Variants in PCDH11X observed in about 807,000 individuals in gnomAD.
PCDH11X encodes the protein protocadherin-11 X-linked.
Under a neutral mutation model 53.3 loss-of-function variants are expected in PCDH11X, and 18 were observed. The observed-to-expected ratio is 0.34, with a 90% CI of 0.23 to 0.50. PCDH11X has a LOEUF of 0.50. Among genes scored for constraint, PCDH11X ranks in the 20% least tolerant of loss-of-function variants. PCDH11X has a pLI of 0.98. For synonymous variants in PCDH11X, 279 were observed against 393.3 expected (o/e 0.71, Z 3.44); for missense variants, 570 against 1,032.4 (o/e 0.55, Z 6.14).
intron 6 of PCDH11X, among the ~76,000 whole-genome samples, chrX:91,985,572 A>G (rs2147934864): frequency 8.9e-6 from 1 of 112,649 alleles, no homozygotes; most frequent in African/African-American, 3.2e-5. Flanking sequence ...AGGGAAAACC[A>G]TACTCAAACC....
chrX:92,239,812 G>T (rs2067233195), intron 7 of PCDH11X, among the ~76,000 whole-genome samples: 1 of 111,581 alleles, frequency 9.0e-6, no homozygotes, highest in African/African-American at 3.3e-5. Flanking sequence ...CTAAGATTGG[G>T]ATGTAGGATC....
intron 4 of PCDH11X, among the ~76,000 whole-genome samples, chrX:91,825,669 G>C (rs1179952703): frequency 9.2e-6 from 1 of 108,773 alleles, no homozygotes; most frequent in Non-Finnish European, 1.9e-5. Context: ...GTAGACCGGA[G>C]CTGTTCCTAT....
intron 7 of PCDH11X, among the ~76,000 whole-genome samples, chrX:92,207,072 C>G (rs988125838): frequency 1.3e-4 from 14 of 111,119 alleles, no homozygotes; most frequent in Admixed American, 3.9e-4. Flanking sequence ...TACTGAAGTC[C>G]TAAATTAGGT....
Position 92,556,698 on chromosome X carries a change from T to C in PCDH11X, c.3368-61566T>C, listed in dbSNP as rs1358282785. Among the ~76,000 whole-genome samples, 17 of 109,469 alleles carry C rather than the reference T, an allele frequency of 1.6e-4. No homozygotes were observed. In the Admixed American group the frequency reaches 1.7e-3, roughly 11 times the overall value. ...TTTTCCAGGTGCACATTGCAATCTG[T>C]TGGTGGACCTACCATTCTGGGGTCT... On this transcript the variant is annotated intron_variant, in intron 10 of 10. Coordinates refer to ENST00000682573, the MANE Select transcript of PCDH11X (RefSeq NM_032968.5).
chrX:92,109,536 G>T (rs1210457820), intron 6 of PCDH11X, among the ~76,000 whole-genome samples: 7 of 111,397 alleles, frequency 6.3e-5, no homozygotes, highest in African/African-American at 1.3e-4. Flanking sequence ...GGTCTGGGTG[G>T]TATCAGCTAA....
intron 6 of PCDH11X, among the ~76,000 whole-genome samples, chrX:92,165,301 T>A (rs1208355993): frequency 3.6e-5 from 4 of 111,936 alleles, no homozygotes. Flanking sequence ...AGTCTCCTTG[T>A]ATATTTTGAA....
rs180972908 is a variant in PCDH11X at position 92,019,906 on chromosome X, G to A, written c.3033+140633G>A. On this transcript the variant is annotated intron_variant, in intron 6 of 10. Transcript: ENST00000682573. ...CATCAGGACTGACTCGGCAGCTGGC[G>A]TGGTCCATGGAGAGGAAGGAAGAAC... is the stretch of plus-strand genomic sequence containing the variant. Among the ~76,000 whole-genome samples the A allele has an allele frequency of 2.1e-4, 23 of 111,561 alleles. No homozygotes were observed. In the East Asian group the frequency reaches 2.6e-3, roughly 13 times the overall value.
chrX:91,900,486 G>A (rs2147783261), intron 6 of PCDH11X, among the ~76,000 whole-genome samples: 1 of 108,401 alleles, frequency 9.2e-6, no homozygotes, highest in South Asian at 4.2e-4. Flanking sequence ...CCATATATTG[G>A]ACAGTGATTC....
chrX:92,591,410 G>T (rs1455731320), intron 10 of PCDH11X, among the ~76,000 whole-genome samples: 1 of 110,569 alleles, frequency 9.0e-6, no homozygotes, highest in Non-Finnish European at 1.9e-5. Flanking sequence ...GTCTGAGACT[G>T]TAGTGAATCT....
chrX:92,101,405 G>C (rs1043183041), intron 6 of PCDH11X, among the ~76,000 whole-genome samples: 9 of 111,519 alleles, frequency 8.1e-5, no homozygotes, highest in African/African-American at 2.9e-4. Context: ...AGTGATAAAA[G>C]TATTGTCCAG....
At chrX:92,217,595 A>T (rs1464769607) in intron 7 of PCDH11X, among the ~76,000 whole-genome samples, 1 of 99,554 alleles carries the variant, frequency 1.0e-5, no homozygotes, top group Non-Finnish European at 2.0e-5. Flanking sequence ...CTCCCACACA[A>T]TAATAATGGG....
chrX:92,614,332 T>C (rs1024323101), intron 10 of PCDH11X, among the ~76,000 whole-genome samples: 1 of 108,629 alleles, frequency 9.2e-6, no homozygotes, highest in Non-Finnish European at 1.9e-5. Context: ...AACATTATTA[T>C]TTTTTTTTTC....
At chrX:91,893,279 T>C (rs1040953167) in intron 6 of PCDH11X, among the ~76,000 whole-genome samples, 2 of 110,285 alleles carry the variant, frequency 1.8e-5, no homozygotes, top group Non-Finnish European at 3.8e-5. Context: ...TCAAAAAGTA[T>C]CAAAGGAAAA....
rs968465142 is a variant in PCDH11X, at chrX:92,514,575, C to CA, written c.3367+46260dup. Among the ~76,000 whole-genome samples, 5 of 104,780 alleles carry CA rather than the reference C, an allele frequency of 4.8e-5. No individual in the cohort carries two copies. The South Asian group carries it at 1.9e-3, about 39-fold the overall frequency. The allele number at this position is 104,780 out of a possible 115,157, so 91.0% of individuals were successfully genotyped here. A position where few individuals can be genotyped will look rare whatever the true frequency, so the allele number is the denominator to read the frequency against. On this transcript the variant is annotated intron_variant, in intron 10 of 10. Coordinates refer to ENST00000682573, the MANE Select transcript of PCDH11X (RefSeq NM_032968.5). The stretch of plus-strand genomic sequence containing the variant: ...TGAATCCCCATCTTTACTAAAAATA[C>CA]AAAAAAATAGCTGGGTGTGGTGGCG...
At chrX:92,184,796 C>A (rs1326689598) in intron 6 of PCDH11X, among the ~76,000 whole-genome samples, 1 of 110,878 alleles carries the variant, frequency 9.0e-6, no homozygotes, top group Admixed American at 9.7e-5. Flanking sequence ...ATAATCCTGG[C>A]ACTTTGGAAG....
chrX:91,858,721 C>G (rs1938491180), intron 5 of PCDH11X, among the ~76,000 whole-genome samples: 1 of 107,644 alleles, frequency 9.3e-6, no homozygotes, highest in Non-Finnish European at 1.9e-5. Flanking sequence ...TAAAACATAG[C>G]AAGAGTCACC....
At chrX:92,063,351 C>A (rs1016426144) in intron 6 of PCDH11X, among the ~76,000 whole-genome samples, 5 of 110,274 alleles carry the variant, frequency 4.5e-5, no homozygotes, top group Non-Finnish European at 9.5e-5. Flanking sequence ...AAAAAAAAAG[C>A]TATGCATTCA....
intron 6 of PCDH11X, among the ~76,000 whole-genome samples, chrX:92,027,258 A>C (rs2062982133): frequency 9.0e-6 from 1 of 111,458 alleles, no homozygotes; most frequent in African/African-American, 3.3e-5. Context: ...CTAATAATTT[A>C]GCTTCCTTAT....
intron 6 of PCDH11X, among the ~76,000 whole-genome samples, chrX:92,017,024 T>C (rs956305150): frequency 1.0e-5 from 1 of 100,291 alleles, no homozygotes; most frequent in African/African-American, 3.7e-5. Context: ...TCTCAGAAAA[T>C]AGGTAGGCTG....
Sources: allele counts gnomAD v4.1 joint callset (sites outside exome capture counted in the v4.1 genomes callset), GRCh38; gene constraint gnomAD v4.1.1; transcripts MANE v1.5; gene names NCBI Gene and HGNC (gene_info 2026-07-23, HGNC 2026-07-21).